The following IL17REL variants were observed in gnomAD, a reference collection of about 807,000 sequenced individuals.
IL17REL encodes interleukin-17 receptor E-like protein.
A neutral mutation model predicts 49.0 loss-of-function variants in IL17REL; 36 were observed. The ratio of observed to expected loss-of-function variants is 0.73; its 90% CI spans 0.56 to 0.97. The LOEUF (loss-of-function observed/expected upper bound fraction) is 0.97, where lower values mean the gene tolerates loss of function less well. Ranked by LOEUF, IL17REL falls within the 50% of genes least tolerant of loss-of-function variation. The probability of loss-of-function intolerance (pLI) is 0.00; values close to 1 mark genes in which losing one functional copy is unlikely to be tolerated. For synonymous variants in IL17REL, 206 were observed against 192.4 expected, an observed-to-expected ratio of 1.07 and a Z score of -0.58; for missense variants, 470 against 453.9, an observed-to-expected ratio of 1.04 and a Z score of -0.32.
At chr22:50,010,860 C>T (rs1302962401), upstream of IL17REL, among the ~76,000 whole-genome samples, 1 of 150,824 alleles carries the variant, frequency 6.6e-6, no homozygotes, top group Non-Finnish European at 1.5e-5. Context: ...CTCCCCCGCA[C>T]GGGGTTTTCC....
chr22:49,998,158 G>A (rs759272413), exon 8 of IL17REL: 26 of 1,607,786 alleles, frequency 1.6e-5, no homozygotes, highest in African/African-American at 2.7e-5. Flanking sequence ...CCAGCTGGCT[G>A]GATTGCTGCA....
downstream of IL17REL, among the ~76,000 whole-genome samples, chr22:49,994,003 A>C (rs937145846): frequency 1.1e-4 from 17 of 150,868 alleles, no homozygotes; most frequent in Non-Finnish European, 1.6e-4. Context: ...CCCCACCCCC[A>C]CTGTGCCCCT....
chr22:49,993,940 C>T (rs562229709), downstream of IL17REL, among the ~76,000 whole-genome samples: 10 of 152,184 alleles, frequency 6.6e-5, no homozygotes, highest in South Asian at 4.1e-4. The surrounding 1 kb of genome is among the most constrained non-coding windows in gnomAD (Gnocchi z 6.0). Flanking sequence ...TGGGGGCGGA[C>T]GGGGTCTCCA....
At chr22:49,996,834 G>A (rs1337542344) in exon 13 of IL17REL, 4 of 543,448 alleles carry the variant, frequency 7.4e-6, no homozygotes, top group Non-Finnish European at 9.8e-6. Context: ...GCTGGGGGAC[G>A]GAGAAGTGTA....
upstream of IL17REL, among the ~76,000 whole-genome samples, chr22:50,009,752 T>C (rs1327285586): frequency 6.6e-6 from 1 of 152,228 alleles, no homozygotes; most frequent in Non-Finnish European, 1.5e-5. Context: ...CCTTGAATTG[T>C]GGAGCGGGCA....
chr22:49,997,883 C>T, intron 9 of IL17REL, 141 bp from the exon 12 acceptor site: 2 of 1,388,632 alleles, frequency 1.4e-6, no homozygotes, highest in Non-Finnish European at 2.0e-6. Context: ...AGCTCACCCA[C>T]TGTCAGACCA....
chr22:49,997,850 C>T, intron 9 of IL17REL, 108 bp from the exon 12 acceptor site: 1 of 1,391,588 alleles, frequency 7.2e-7, no homozygotes, highest in Non-Finnish European at 1.0e-6. Context: ...TGCTCTGGGC[C>T]CAGTTCTCCT....
chr22:50,001,823 TCAGAGC>T (rs1219160083), intron 1 of IL17REL, among the ~76,000 whole-genome samples: 1 of 152,228 alleles, frequency 6.6e-6, no homozygotes, highest in African/African-American at 2.4e-5. Context: ...CAGGTGGGAC[TCAGAGC>T]AGAACTTCAC....
intron 7 of IL17REL, among the ~76,000 whole-genome samples, 193 bp downstream of exon 9, chr22:49,999,098 G>C (rs2061057655): frequency 6.6e-6 from 1 of 151,410 alleles, no homozygotes; most frequent in Non-Finnish European, 1.5e-5. Context: ...CATGTACATT[G>C]CACACACACA....
upstream of IL17REL, among the ~76,000 whole-genome samples, chr22:50,010,890 C>T (rs2061136783): frequency 6.6e-6 from 1 of 151,804 alleles, no homozygotes; most frequent in African/African-American, 2.4e-5. Flanking sequence ...CTCGGGGCTT[C>T]CCAGCGGCCG....
At chr22:50,001,258 C>T (rs1327301909) in intron 1 of IL17REL, 27 bp from the exon 3 acceptor site, 7 of 986,314 alleles carry the variant, frequency 7.1e-6, no homozygotes, top group East Asian at 2.6e-5. Context: ...AGCGTGAGGC[C>T]TCGAGTTCCC....
Position 49,997,321 on chromosome 22 carries a change from G to A in IL17REL, c.973C>T (p.Gln325Ter), listed in dbSNP as rs1172015214. 1 of 1,613,072 alleles carries A rather than the reference G, an allele frequency of 6.2e-7. No individual in the cohort carries two copies. Among genetic ancestry groups the A allele is most frequent in the Non-Finnish European group, 8.5e-7 (1 of 1,179,520 alleles). Residue 325 changes from glutamine to a stop codon, truncating the protein, a stop_gained and splice_region_variant, in exon 11 of 13, where the codon CAG (glutamine) becomes TAG (stop). Transcript: ENST00000341280. LOFTEE classifies it high-confidence loss of function. ...TGGAGCCCCACTCTCTCGGCTCACT[G>A]AGGCTGAAGGGAGCGGGCTGGCCTG...
intron 1 of IL17REL, among the ~76,000 whole-genome samples, chr22:50,002,394 C>T (rs763046273): frequency 2.6e-5 from 4 of 152,074 alleles, no homozygotes; most frequent in Admixed American, 1.3e-4. Context: ...AGACAACTGA[C>T]GGTTGAGACC....
chr22:49,997,310 C>G lies in IL17REL; in HGVS notation c.974+10G>C. The G allele has an allele frequency of 6.2e-7, 1 of 1,611,752 alleles. No individual in the cohort carries two copies. Among genetic ancestry groups the G allele is most frequent in the Non-Finnish European group, 8.5e-7 (1 of 1,178,646 alleles). On this transcript the variant is annotated intron_variant, in intron 11 of 12. Coordinates refer to ENST00000341280, the Ensembl canonical transcript of IL17REL. ...CCTCCCCAGGATGGAGCCCCACTCTCTCGGCTCACTGAGGCTGAAGGGAGC... is the reference window on the plus strand; with the variant it reads ...CCTCCCCAGGATGGAGCCCCACTCTGTCGGCTCACTGAGGCTGAAGGGAGC...
At chr22:50,009,804 G>T (rs185328836), upstream of IL17REL, among the ~76,000 whole-genome samples, 4 of 152,242 alleles carry the variant, frequency 2.6e-5, no homozygotes, top group East Asian at 5.8e-4. Context: ...TTTTATTTTG[G>T]AATATGTTTA....
At position 49,997,081 on chromosome 22, in the gene IL17REL, G is replaced by T. The variant is rs375628702; in HGVS notation, c.975-7C>A. 3.8e-6 allele frequency: 6 copies of T among 1,570,898 alleles called. No homozygotes were observed. The highest frequency in any genetic ancestry group is 2.4e-5 in the South Asian group (2 of 84,504). On this transcript the variant is annotated splice_polypyrimidine_tract_variant and splice_region_variant and intron_variant, in intron 11 of 12. Transcript: ENST00000341280. ...GGGCGGCTGCCAGGTCACCCTGGGT[G>T]GGGGAGGGCAGGTCACAGGCAATGG... is the stretch of plus-strand genomic sequence containing the variant.
At chr22:50,001,675 C>T (rs116816299) in intron 1 of IL17REL, among the ~76,000 whole-genome samples, 7 of 152,370 alleles carry the variant, frequency 4.6e-5, no homozygotes, top group African/African-American at 1.2e-4. Context: ...GGGAAGCGGC[C>T]GCATCCTCAC....
At chr22:49,998,969 A>ATG (rs1478886249) in intron 7 of IL17REL, among the ~76,000 whole-genome samples, 3 of 151,942 alleles carry the variant, frequency 2.0e-5, no homozygotes, top group Admixed American at 2.0e-4. Context: ...GTGTCTGTGC[A>ATG]TGTGTGTGTG....
Position 49,999,855 on chromosome 22 carries a change from G to A in IL17REL, c.447C>T (p.Thr149=), listed in dbSNP as rs372871983. 1.4e-3 allele frequency: 2,204 copies of A among 1,533,916 alleles called. 5 individuals are homozygous for A. The highest frequency in any genetic ancestry group is 1.5e-3 in the Non-Finnish European group (1,733 of 1,140,932). Residue 149 remains threonine (T), a synonymous_variant, in exon 5 of 13, where the codon ACC becomes ACT. Coordinates refer to ENST00000341280, the Ensembl canonical transcript of IL17REL. Reference sequence around the variant, plus strand: ...GCACAGGGGCGCCGGCGTCCTCGCAGGTGAACCGCTTGAGGCAGAGCCGCA... The same window carrying A: ...GCACAGGGGCGCCGGCGTCCTCGCAAGTGAACCGCTTGAGGCAGAGCCGCA...
Sources: allele counts gnomAD v4.1 joint callset (sites outside exome capture counted in the v4.1 genomes callset), GRCh38; gene constraint gnomAD v4.1.1; non-coding constraint Gnocchi (gnomAD v3.1); transcripts MANE v1.5; gene names NCBI Gene and HGNC (gene_info 2026-07-23, HGNC 2026-07-21).